TCF4: variants seen among roughly 807,000 people sequenced by gnomAD.
TCF4 encodes the protein transcription factor 4, also known as SL3-3 enhancer factor 2.
Under a neutral mutation model 82.1 loss-of-function variants are expected in TCF4, and 3 were observed. The observed-to-expected ratio is 0.04, with a 90% CI of 0.02 to 0.09. The LOEUF (loss-of-function observed/expected upper bound fraction) is 0.09. TCF4 is among the 10% of genes least tolerant of loss of function. TCF4 has a pLI of 1.00. For synonymous variants in TCF4, 276 were observed against 309.6 expected, an observed-to-expected ratio of 0.89 and a Z score of 1.14; for missense variants, 518 against 852.7, an observed-to-expected ratio of 0.61 and a Z score of 4.89.
At chr18:55,582,439 T>C (rs539877750) in intron 3 of TCF4, among the ~76,000 whole-genome samples, 2 of 152,264 alleles carry the variant, frequency 1.3e-5, no homozygotes, top group South Asian at 4.1e-4. Flanking sequence ...TGCTTTCTGC[T>C]GAACACCTGC....
intron 5 of TCF4, among the ~76,000 whole-genome samples, chr18:55,442,526 G>C (rs2095456626): frequency 1.3e-5 from 2 of 152,186 alleles, no homozygotes; most frequent in Admixed American, 1.3e-4. Context: ...AGTTTCTAAG[G>C]ATTATTGGCC....
At chr18:55,547,283 T>C (rs942958140) in intron 3 of TCF4, among the ~76,000 whole-genome samples, 7 of 152,214 alleles carry the variant, frequency 4.6e-5, no homozygotes, top group South Asian at 4.1e-4. Flanking sequence ...ATGACAGGAT[T>C]CCTAAAAGCC....
At chr18:55,589,257 A>G, upstream of TCF4, 1 of 1,050,206 alleles carries the variant, frequency 9.5e-7, no homozygotes, top group Non-Finnish European at 1.1e-6. Context: ...ATTAAATTCA[A>G]TTACAAACAG....
intron 3 of TCF4, among the ~76,000 whole-genome samples, chr18:55,538,026 G>GCGCGCACACACACACA (rs1277287061): frequency 1.5e-5 from 2 of 131,574 alleles, no homozygotes; most frequent in South Asian, 5.0e-4. Context: ...CTGCGCGCGC[G>GCGCGCACACACACACA]CACACACACA....
chr18:55,241,595 G>T (rs554783721), intron 15 of TCF4, among the ~76,000 whole-genome samples: 1 of 152,332 alleles, frequency 6.6e-6, no homozygotes, highest in African/African-American at 2.4e-5. Flanking sequence ...CAGTCATGCT[G>T]CTGACCTCCA....
chr18:55,378,933 A>G (rs2091386421), intron 6 of TCF4, among the ~76,000 whole-genome samples: 1 of 152,202 alleles, frequency 6.6e-6, no homozygotes, highest in African/African-American at 2.4e-5. Context: ...GAGAACCACA[A>G]AAGTTGTTTG....
At chr18:55,382,241 T>C (rs1019221683) in intron 6 of TCF4, among the ~76,000 whole-genome samples, 1 of 152,070 alleles carries the variant, frequency 6.6e-6, no homozygotes, top group Non-Finnish European at 1.5e-5. Flanking sequence ...CTAAAGCAAT[T>C]TGAATCTTTC....
intron 6 of TCF4, among the ~76,000 whole-genome samples, chr18:55,383,193 AG>A: frequency 6.6e-6 from 1 of 152,224 alleles, no homozygotes; most frequent in Non-Finnish European, 1.5e-5. Context: ...GTAAAACACT[AG>A]AGTATAAACA....
intron 1 of TCF4, among the ~76,000 whole-genome samples, chr18:55,631,694 T>G (rs1040177802): frequency 1.3e-5 from 2 of 152,180 alleles, no homozygotes; most frequent in Non-Finnish European, 2.9e-5. Context: ...TATTGAGTTC[T>G]GAGAGTAGGT....
At chr18:55,561,463 C>T (rs2097354398) in intron 3 of TCF4, among the ~76,000 whole-genome samples, 1 of 152,132 alleles carries the variant, frequency 6.6e-6, no homozygotes, top group Non-Finnish European at 1.5e-5. Flanking sequence ...TAAACAAATG[C>T]TACAAAAATA....
At chr18:55,370,083 G>A in intron 6 of TCF4, among the ~76,000 whole-genome samples, 1 of 152,184 alleles carries the variant, frequency 6.6e-6, no homozygotes, top group East Asian at 1.9e-4. Context: ...AGCACAGTCT[G>A]ACCCCAATCT....
At chr18:55,330,176 ATTTTTTTTT>A (rs3077897) in intron 8 of TCF4, among the ~76,000 whole-genome samples, 35 of 110,456 alleles carry the variant, frequency 3.2e-4, no homozygotes, top group African/African-American at 1.3e-3. Flanking sequence ...GCAATGTTGG[ATTTTTTTTT>A]TTTTTTTTTT....
chr18:55,413,477 G>A (rs905200678), intron 5 of TCF4, among the ~76,000 whole-genome samples: 1 of 152,280 alleles, frequency 6.6e-6, no homozygotes, highest in South Asian at 2.1e-4. Context: ...AACTTCAAGA[G>A]AATGGGCCCA....
At chr18:55,265,846 T>G (rs1226819503) in intron 11 of TCF4, 4 of 152,144 alleles carry the variant, frequency 2.6e-5, no homozygotes, top group African/African-American at 9.7e-5. Flanking sequence ...TAGCATATGG[T>G]GTATTAAATC....
At chr18:55,438,313 T>C (rs956281326) in intron 5 of TCF4, among the ~76,000 whole-genome samples, 1 of 140,098 alleles carries the variant, frequency 7.1e-6, no homozygotes, top group Non-Finnish European at 1.6e-5. Flanking sequence ...GCCATTGAGG[T>C]GGGGTTGGTA....
chr18:55,373,347 A>AT (rs1243374975), intron 6 of TCF4, among the ~76,000 whole-genome samples: 1 of 152,134 alleles, frequency 6.6e-6, no homozygotes, highest in Non-Finnish European at 1.5e-5. Context: ...AATATAAAAT[A>AT]TTCCTGAACT....
intron 6 of TCF4, among the ~76,000 whole-genome samples, chr18:55,387,512 C>CT (rs2092703462): frequency 6.6e-6 from 1 of 152,188 alleles, no homozygotes; most frequent in African/African-American, 2.4e-5. Context: ...CACACATGTG[C>CT]TTTTTATCCA....
intron 8 of TCF4, among the ~76,000 whole-genome samples, chr18:55,282,408 T>C (rs1259046440): frequency 6.6e-6 from 1 of 152,074 alleles, no homozygotes; most frequent in Non-Finnish European, 1.5e-5. Flanking sequence ...CAGTTCAGTT[T>C]ATCTCTAATG....
At chr18:55,488,673 A>G (rs1053245613) in intron 3 of TCF4, among the ~76,000 whole-genome samples, 3 of 152,208 alleles carry the variant, frequency 2.0e-5, no homozygotes, top group Non-Finnish European at 4.4e-5. Context: ...GGAAGGAGAA[A>G]GCAAACGGCT....
Sources: allele counts gnomAD v4.1 joint callset (sites outside exome capture counted in the v4.1 genomes callset), GRCh38; gene constraint gnomAD v4.1.1; transcripts MANE v1.5; gene names NCBI Gene and HGNC (gene_info 2026-07-23, HGNC 2026-07-21).